PROX1: variants seen among roughly 807,000 people sequenced by gnomAD.
The protein encoded by PROX1 is prospero homeobox 1.
A neutral mutation model predicts 58.8 loss-of-function variants in PROX1; 7 were observed. The ratio of observed to expected loss-of-function variants is 0.12; its 90% CI spans 0.07 to 0.22. PROX1 has a LOEUF of 0.22. Ranked by LOEUF, PROX1 falls within the 10% of genes least tolerant of loss-of-function variation. The probability of loss-of-function intolerance (pLI) is 1.00; values close to 1 mark genes in which losing one functional copy is unlikely to be tolerated. For synonymous variants in PROX1, 350 were observed against 358.3 expected, an observed-to-expected ratio of 0.98 and a Z score of 0.26; for missense variants, 675 against 927.8, an observed-to-expected ratio of 0.73 and a Z score of 3.54.
At chr1:214,025,339 A>G (rs1664415876) in intron 4 of PROX1, among the ~76,000 whole-genome samples, 1 of 152,252 alleles carries the variant, frequency 6.6e-6, no homozygotes, top group Non-Finnish European at 1.5e-5. Context: ...GTGCAGAATG[A>G]AAGACCATTA....
intron 4 of PROX1, among the ~76,000 whole-genome samples, chr1:214,019,590 G>T (rs558300127): frequency 6.6e-6 from 1 of 152,266 alleles, no homozygotes; most frequent in South Asian, 2.1e-4. Context: ...GACCCTCAGG[G>T]CAGCAGCCGT....
At chr1:213,984,090 T>A (rs1390101703), upstream of PROX1, 1 of 152,394 alleles carries the variant, frequency 6.6e-6, no homozygotes, top group African/African-American at 2.4e-5. Flanking sequence ...GCTCCCAGCC[T>A]ACACTTCACT....
rs1163192487 is a variant in PROX1 at position 214,010,372 on chromosome 1, A to T, written c.1834-1149A>T. ...TTATTATCTTTGCTAGTATAGAAAC[A>T]ACTTTCTGTGTAGTAATTAGAGCCC... On this transcript the variant is annotated intron_variant, in intron 3 of 4. Coordinates refer to ENST00000366958, the MANE Select transcript of PROX1 (RefSeq NM_001270616.2). Among the ~76,000 whole-genome samples the T allele has an allele frequency of 3.3e-5, 5 of 152,220 alleles. No homozygotes were observed. In the East Asian group the frequency reaches 9.6e-4, roughly 29 times the overall value.
At chr1:214,011,417 C>T in intron 3 of PROX1, 104 bp from the exon 4 acceptor site, 2 of 1,070,482 alleles carry the variant, frequency 1.9e-6, no homozygotes, top group Non-Finnish European at 2.7e-6. Flanking sequence ...CGTATCTTTC[C>T]AAGTAAAGAA....
Position 214,036,521 on chromosome 1 carries a change from G to C in PROX1, c.*687G>C, listed in dbSNP as rs2102790213. The C allele has an allele frequency of 6.6e-6, 1 of 152,242 alleles. No homozygotes were observed. Among genetic ancestry groups the C allele is most frequent in the East Asian group, 1.9e-4 (1 of 5,172 alleles). The allele number at this position is 152,242 out of a possible 1,614,324, so 9.4% of individuals were successfully genotyped here. ...GGCAAAGCAATTTTGCACAAAACCA[G>C]CTCTCTCAAGATGAGACTAGAAATT... On this transcript the variant is annotated 3_prime_UTR_variant, in exon 5 of 5. Transcript: ENST00000366958.
chr1:213,988,557 G>A (rs1662897522), intron 1 of PROX1, 74 bp downstream of exon 1: 1 of 152,188 alleles, frequency 6.6e-6, no homozygotes, highest in Non-Finnish European at 1.5e-5. Flanking sequence ...GTTCTTGAAT[G>A]AGAAAGGAAG....
At chr1:214,003,298 A>C (rs1459380217) in intron 2 of PROX1, among the ~76,000 whole-genome samples, 4 of 152,238 alleles carry the variant, frequency 2.6e-5, no homozygotes, top group Admixed American at 2.0e-4. Context: ...CTGAAAGAAA[A>C]GATTAGAACC....
chr1:214,022,363 T>A (rs1664310967), intron 4 of PROX1, among the ~76,000 whole-genome samples: 1 of 152,262 alleles, frequency 6.6e-6, no homozygotes, highest in African/African-American at 2.4e-5. Flanking sequence ...TCACATTTAT[T>A]CATTTGCAGA....
intron 4 of PROX1, among the ~76,000 whole-genome samples, chr1:214,015,898 T>C (rs1453529015): frequency 1.3e-5 from 2 of 152,144 alleles, no homozygotes; most frequent in African/African-American, 4.8e-5. Flanking sequence ...CATTCACCTG[T>C]AGGCAGGGTC....
intron 4 of PROX1, among the ~76,000 whole-genome samples, chr1:214,021,801 C>A (rs1664288554): frequency 1.3e-5 from 2 of 152,162 alleles, no homozygotes; most frequent in Non-Finnish European, 2.9e-5. Flanking sequence ...AATACTCTGG[C>A]AAATATGATT....
chr1:214,015,663 C>T (rs1325595564), intron 4 of PROX1, among the ~76,000 whole-genome samples: 2 of 151,532 alleles, frequency 1.3e-5, no homozygotes, highest in African/African-American at 2.4e-5. Flanking sequence ...AATTGCACAA[C>T]GTAAGGAGCC....
At position 213,996,201 on chromosome 1, in the gene PROX1, T is replaced by C. The variant is rs534124514; in HGVS notation, c.-67-268T>C. Among the ~76,000 whole-genome samples, 3 of 152,294 alleles carry C rather than the reference T, an allele frequency of 2.0e-5. 1 individual carries two copies. In the East Asian group the frequency reaches 5.8e-4, roughly 29 times the overall value. On this transcript the variant is annotated intron_variant, in intron 1 of 4. Transcript: ENST00000366958. ...TTTCTTCTGAAGATAAACAGTATCA[T>C]TTTAGGCATTTGTGAGAGAGAATCA... is the stretch of plus-strand genomic sequence containing the variant.
intron 1 of PROX1, among the ~76,000 whole-genome samples, chr1:213,991,073 G>C (rs1663018388): frequency 6.6e-6 from 1 of 152,230 alleles, no homozygotes; most frequent in South Asian, 2.1e-4. Flanking sequence ...GAAATTTTTT[G>C]TGTGTGTTGA....
intron 3 of PROX1, among the ~76,000 whole-genome samples, chr1:214,006,839 C>T (rs955252509): frequency 2.0e-5 from 3 of 152,148 alleles, no homozygotes; most frequent in Non-Finnish European, 4.4e-5. Flanking sequence ...CAATGATCTT[C>T]AGTGTTGTGA....
intron 1 of PROX1, among the ~76,000 whole-genome samples, chr1:213,989,045 T>G (rs1444321284): frequency 6.6e-6 from 1 of 152,148 alleles, no homozygotes; most frequent in Non-Finnish European, 1.5e-5. Context: ...TCTTGTTTAT[T>G]ATAGCTGCCT....
Position 213,998,083 on chromosome 1 carries a change from C to T in PROX1, c.1548C>T (p.Asp516=). ...GKDRASPESL[D]LTRDTTSLRT... is the part of the protein sequence containing the mutation. Reference sequence around the variant, plus strand: ...ACAGAGCCTCTCCTGAATCCTTAGACTTAACTAGGGATACCACGAGTCTGA... The same window carrying T: ...ACAGAGCCTCTCCTGAATCCTTAGATTTAACTAGGGATACCACGAGTCTGA... Residue 516 remains aspartate (D), a synonymous_variant, in exon 2 of 5, where the codon GAC becomes GAT. Coordinates refer to ENST00000366958, the MANE Select transcript of PROX1 (RefSeq NM_001270616.2). 1.2e-6 allele frequency: 2 copies of T among 1,613,934 alleles called. No individual in the cohort carries two copies. Among genetic ancestry groups the T allele is most frequent in the South Asian group, 1.1e-5 (1 of 91,056 alleles).
intron 2 of PROX1, among the ~76,000 whole-genome samples, chr1:214,002,371 A>C (rs1211991118): frequency 2.0e-5 from 3 of 147,270 alleles, no homozygotes; most frequent in Admixed American, 2.0e-4. Flanking sequence ...GTCTTTCATT[A>C]ATTTATGGAT....
At position 213,996,667 on chromosome 1, in the gene PROX1, C is replaced by T. The variant is rs1052947570; in HGVS notation, c.132C>T (p.Ala44=). ...AGGCAAGAGCAACGTTTTTTAGTGC[C>T]ATGAATCCCCAAGGTTCTGAGCAGG... ...FAKARATFFS[A]MNPQGSEQDV... is the part of the protein sequence containing the mutation. Residue 44 remains alanine, a synonymous_variant, in exon 2 of 5, where the codon GCC becomes GCT. Coordinates refer to ENST00000366958, the MANE Select transcript of PROX1 (RefSeq NM_001270616.2). 6 of 1,614,036 alleles carry T rather than the reference C, an allele frequency of 3.7e-6. No homozygotes were observed. The African/African-American group carries it at 6.7e-5, about 18-fold the overall frequency.
Position 214,038,697 on chromosome 1 carries a change from A to G in PROX1, c.*2863A>G, listed in dbSNP as rs1253358096. ...TACCAGTTTTTTCCCAACAAGTACA[A>G]TTGTTCTTGTGCCTTCTGTGGCTTT... On this transcript the variant is annotated 3_prime_UTR_variant, in exon 5 of 5. Coordinates refer to ENST00000366958, the MANE Select transcript of PROX1 (RefSeq NM_001270616.2). The G allele has an allele frequency of 1.3e-5, 2 of 152,106 alleles. No homozygotes were observed. Among genetic ancestry groups the G allele is most frequent in the East Asian group, 1.9e-4 (1 of 5,194 alleles). 9.4% of individuals were successfully genotyped at this position (152,106 alleles called of 1,614,324 possible).
Sources: allele counts gnomAD v4.1 joint callset (sites outside exome capture counted in the v4.1 genomes callset), GRCh38; gene constraint gnomAD v4.1.1; transcripts MANE v1.5; gene names NCBI Gene and HGNC (gene_info 2026-07-23, HGNC 2026-07-21).